SENP5: variants seen among roughly 807,000 people sequenced by gnomAD.
SENP5 encodes the protein SUMO specific peptidase 5, also known as sentrin-specific protease 5.
SENP5 carries 21 observed loss-of-function variants against 74.2 expected under a neutral mutation model. The ratio of observed to expected loss-of-function variants is 0.28; its 90% CI spans 0.20 to 0.41. The LOEUF (loss-of-function observed/expected upper bound fraction) is 0.41, where lower values mean the gene tolerates loss of function less well. Among genes scored for constraint, SENP5 ranks in the 10% least tolerant of loss-of-function variants. The pLI, the probability that SENP5 is intolerant of heterozygous loss-of-function variation, is 1.00. For synonymous variants in SENP5, 311 were observed against 312.7 expected, an observed-to-expected ratio of 0.99 and a Z score of 0.06; for missense variants, 717 against 889.1, an observed-to-expected ratio of 0.81 and a Z score of 2.46.
chr3:196,930,117 T>C (rs1410338158), intron 9 of SENP5, among the ~76,000 whole-genome samples: 2 of 152,000 alleles, frequency 1.3e-5, no homozygotes, highest in African/African-American at 4.8e-5. Context: ...CGAAAAGGGC[T>C]ATGGAAAAAA....
chr3:196,915,822 A>G (rs1041345394), intron 6 of SENP5, among the ~76,000 whole-genome samples: 2 of 152,232 alleles, frequency 1.3e-5, no homozygotes, highest in African/African-American at 4.8e-5. Context: ...AGGAGCCTGC[A>G]AGGGTCACAG....
intron 6 of SENP5, among the ~76,000 whole-genome samples, chr3:196,908,724 G>A (rs906512426): frequency 1.3e-5 from 2 of 152,190 alleles, no homozygotes; most frequent in Non-Finnish European, 1.5e-5. Flanking sequence ...TTGGGAGGCC[G>A]AGGTAGGAGA....
At chr3:196,891,332 T>C (rs556275544) in intron 2 of SENP5, among the ~76,000 whole-genome samples, 1 of 147,800 alleles carries the variant, frequency 6.8e-6, no homozygotes, top group East Asian at 1.9e-4. Flanking sequence ...AGAGTTTCTT[T>C]GTGGGGTAAT....
At chr3:196,913,191 A>G (rs571205444) in intron 6 of SENP5, 1 of 152,246 alleles carries the variant, frequency 6.6e-6, no homozygotes, top group Non-Finnish European at 1.5e-5. Context: ...TACAGTCAAT[A>G]TAATTGATTT....
intron 2 of SENP5, among the ~76,000 whole-genome samples, chr3:196,887,743 T>C (rs1714034571): frequency 6.6e-6 from 1 of 152,118 alleles, no homozygotes. Context: ...TTTCAGTTCT[T>C]ACATAGTAAA....
chr3:196,882,897 A>G (rs1713788371), intron 1 of SENP5, among the ~76,000 whole-genome samples: 1 of 149,992 alleles, frequency 6.7e-6, no homozygotes, highest in Non-Finnish European at 1.5e-5. Context: ...ACTGTGGGCC[A>G]TTTTGTGGGG....
At chr3:196,878,834 C>T (rs553934427) in intron 1 of SENP5, among the ~76,000 whole-genome samples, 2 of 152,276 alleles carry the variant, frequency 1.3e-5, no homozygotes, top group South Asian at 2.1e-4. Context: ...TCAAATGATC[C>T]GCTTGCCTCG....
chr3:196,886,178 T>C lies in SENP5; in HGVS notation c.997T>C (p.Phe333Leu). ...TGATTGCCACACTAAAGGAAGCTCTTTCTTGGGCAAGGAGCTTAGTTTAGA... is the reference window on the plus strand; with the variant it reads ...TGATTGCCACACTAAAGGAAGCTCTCTCTTGGGCAAGGAGCTTAGTTTAGA... ...VPDCHTKGSS[F>L]LGKELSLDEA... Residue 333 changes from phenylalanine to leucine, a missense_variant, in exon 2 of 10, where the codon TTC becomes CTC. Phe to Leu is a conservative substitution (Grantham distance 22, BLOSUM62 0). Coordinates refer to ENST00000323460, the MANE Select transcript of SENP5 (RefSeq NM_152699.5). The C allele has an allele frequency of 6.2e-7, 1 of 1,614,224 alleles. No homozygotes were observed. Among genetic ancestry groups the C allele is most frequent in the Non-Finnish European group, 8.5e-7 (1 of 1,180,044 alleles).
At chr3:196,876,279 C>T (rs1022802735) in intron 1 of SENP5, among the ~76,000 whole-genome samples, 3 of 152,032 alleles carry the variant, frequency 2.0e-5, no homozygotes, top group Non-Finnish European at 4.4e-5. Flanking sequence ...CTGTGGCTCA[C>T]GCCTGTAATT....
At chr3:196,888,934 G>A (rs1312580758) in intron 2 of SENP5, among the ~76,000 whole-genome samples, 2 of 152,016 alleles carry the variant, frequency 1.3e-5, no homozygotes, top group Non-Finnish European at 2.9e-5. Context: ...GGCTAACATG[G>A]TGAAACCCCG....
At chr3:196,882,189 A>G (rs1395568398) in intron 1 of SENP5, among the ~76,000 whole-genome samples, 1 of 151,618 alleles carries the variant, frequency 6.6e-6, no homozygotes, top group African/African-American at 2.4e-5. Flanking sequence ...GTGAGCCACC[A>G]CACTCAGCCC....
At chr3:196,926,977 A>G (rs1356488347) in intron 7 of SENP5, among the ~76,000 whole-genome samples, 1 of 152,096 alleles carries the variant, frequency 6.6e-6, no homozygotes, top group Non-Finnish European at 1.5e-5. Context: ...GGGGTGGGTT[A>G]TTCACATAAC....
At chr3:196,910,672 C>T (rs544556647) in intron 6 of SENP5, among the ~76,000 whole-genome samples, 90 of 152,106 alleles carry the variant, frequency 5.9e-4, no homozygotes, top group African/African-American at 2.1e-3. Flanking sequence ...AGATTTAATG[C>T]TATTCCCATC....
intron 1 of SENP5, among the ~76,000 whole-genome samples, chr3:196,880,638 C>CTTTTTTTTTTTTTTTTTTTTTT: frequency 9.8e-6 from 1 of 101,964 alleles, no homozygotes; most frequent in Non-Finnish European, 1.9e-5. Context: ...GCCAGTTATT[C>CTTTTTTTTTTTTTTTTTTTTTT]TTTTTTTTTT....
intron 6 of SENP5, among the ~76,000 whole-genome samples, chr3:196,908,093 C>T (rs887293189): frequency 1.3e-5 from 2 of 151,986 alleles, no homozygotes; most frequent in African/African-American, 4.8e-5. Context: ...TCAGCCTAGG[C>T]AACCAAGCGA....
At chr3:196,900,809 C>A (rs903846286) in intron 5 of SENP5, among the ~76,000 whole-genome samples, 11 of 151,850 alleles carry the variant, frequency 7.2e-5, no homozygotes, top group Non-Finnish European at 1.6e-4. Context: ...TGGTCTCGAA[C>A]TCCTGACCTC....
intron 1 of SENP5, among the ~76,000 whole-genome samples, chr3:196,870,126 C>A (rs1445146624): frequency 1.3e-5 from 2 of 152,256 alleles, no homozygotes; most frequent in East Asian, 3.9e-4. Context: ...TTAAGCATGT[C>A]TTTGCGAATT....
intron 1 of SENP5, among the ~76,000 whole-genome samples, chr3:196,884,839 C>T (rs1713883149): frequency 6.6e-6 from 1 of 152,110 alleles, no homozygotes; most frequent in South Asian, 2.1e-4. Flanking sequence ...GCAATCCTTG[C>T]ACCTTGGCTT....
chr3:196,870,665 C>T (rs1276479735), intron 1 of SENP5, among the ~76,000 whole-genome samples: 2 of 151,712 alleles, frequency 1.3e-5, no homozygotes, highest in African/African-American at 4.8e-5. Flanking sequence ...TTACAAGCGC[C>T]CACCACCACG....
Sources: allele counts gnomAD v4.1 joint callset (sites outside exome capture counted in the v4.1 genomes callset), GRCh38; gene constraint gnomAD v4.1.1; transcripts MANE v1.5; gene names NCBI Gene and HGNC (gene_info 2026-07-23, HGNC 2026-07-21).